The following CRYM variants were observed in gnomAD, a reference collection of about 807,000 sequenced individuals.
CRYM encodes ketimine reductase mu-crystallin.
In CRYM, 18 loss-of-function variants were observed where a neutral mutation model predicts 32.9. That is an observed-to-expected ratio of 0.55 (90% CI 0.38 to 0.81). The LOEUF (loss-of-function observed/expected upper bound fraction) is 0.81, where lower values mean the gene tolerates loss of function less well. Among genes scored for constraint, CRYM ranks in the 30% least tolerant of loss-of-function variants. The probability of loss-of-function intolerance (pLI) is 0.00; values close to 1 mark genes in which losing one functional copy is unlikely to be tolerated. For missense variants in CRYM, 337 were observed against 393.5 expected (o/e 0.86, Z 1.21); for synonymous variants, 153 against 152.4 (o/e 1.00, Z -0.03).
At chr16:21,278,416 C>A (rs774755530), upstream of CRYM, 15 of 779,326 alleles carry the variant, frequency 1.9e-5, no homozygotes, top group Admixed American at 6.4e-5. Context: ...CTCTCCTCCC[C>A]CTTCGCCCAC....
chr16:21,278,579 A>G (rs2093392483), upstream of CRYM: 2 of 436,232 alleles, frequency 4.6e-6, no homozygotes, highest in African/African-American at 4.0e-5. Flanking sequence ...TTTGCTTCCT[A>G]CATAACCCCT....
intron 1 of CRYM, among the ~76,000 whole-genome samples, chr16:21,297,355 C>T (rs1053776050): frequency 1.3e-5 from 2 of 151,972 alleles, no homozygotes; most frequent in African/African-American, 2.4e-5. Flanking sequence ...ATCTCACCAT[C>T]GCACTCCAGC....
chr16:21,258,632 A>G lies in CRYM; in HGVS notation c.*149T>C. ...CTAGCTTTGCTTTCCAACTACAAAC[A>G]TAAATGAGGATCTCAGCATTTAAGG... On this transcript the variant is annotated 3_prime_UTR_variant, in exon 8 of 8. Transcript: ENST00000572914. 1 of 742,684 alleles carries G rather than the reference A, an allele frequency of 1.3e-6. No individual in the cohort carries two copies. Among genetic ancestry groups the G allele is most frequent in the Non-Finnish European group, 2.4e-6 (1 of 420,704 alleles). 46.0% of individuals were successfully genotyped at this position (742,684 alleles called of 1,614,324 possible). A position where few individuals can be genotyped will look rare whatever the true frequency, so the allele number is the denominator to read the frequency against.
At position 21,267,572 on chromosome 16, in the gene CRYM, G is replaced by C; in HGVS notation, c.655C>G (p.Pro219Ala). The C allele has an allele frequency of 1.2e-6, 2 of 1,613,828 alleles. No homozygotes were observed. Among genetic ancestry groups the C allele is most frequent in the African/African-American group, 2.7e-5 (2 of 75,008 alleles). The part of the protein sequence containing the change: ...EPILFGEWVK[P>A]GAHINAVGAS... Reference sequence around the variant, plus strand: ...TACTTACCATTGATGTGAGCCCCTGGCTTCACCCATTCACCAAACAAAATG... The same window carrying C: ...TACTTACCATTGATGTGAGCCCCTGCCTTCACCCATTCACCAAACAAAATG... The change falls in exon 5 of 8, where the codon CCA becomes GCA. Residue 219 changes from proline (P) to alanine (A), a missense_variant. Pro to Ala is a conservative substitution (Grantham distance 27). Transcript: ENST00000572914.
At chr16:21,291,639 T>C (rs1960658848) in intron 1 of CRYM, among the ~76,000 whole-genome samples, 1 of 152,162 alleles carries the variant, frequency 6.6e-6, no homozygotes, top group Non-Finnish European at 1.5e-5. Flanking sequence ...GGGAAAGCAC[T>C]TGAAAAAATT....
chr16:21,275,532 C>T lies in CRYM; in HGVS notation c.387G>A (p.Lys129=). 1 of 1,613,620 alleles carries T rather than the reference C, an allele frequency of 6.2e-7. No individual in the cohort carries two copies. Among genetic ancestry groups the T allele is most frequent in the Non-Finnish European group, 8.5e-7 (1 of 1,179,570 alleles). The change falls in exon 3 of 8, where the codon AAG becomes AAA. Residue 129 remains lysine (K), a splice_region_variant and synonymous_variant. Transcript: ENST00000572914. ...RTAAVSAIAT[K]FLKPPSSEVL... is the part of the protein sequence containing the mutation. ...TGGTACAGCCAGCCATTCATCTTACCTTGGTGGCAATGGCAGAAACTGCAG... is the reference window on the plus strand; with the variant it reads ...TGGTACAGCCAGCCATTCATCTTACTTTGGTGGCAATGGCAGAAACTGCAG...
In CRYM at chr16:21,277,972, G is replaced by T. The variant is rs1209899958; in HGVS notation, c.170+110C>A. ...CGCCTATTAAAAGTGGCAGCTGTTA[G>T]CAACGGTTAGGCAAGCCGTCTCTTC... is the stretch of plus-strand genomic sequence containing the variant. On this transcript the variant is annotated intron_variant, in intron 1 of 7. Coordinates refer to ENST00000572914, the MANE Select transcript of CRYM (RefSeq NM_001376256.1). The surrounding 1 kb of genome is among the most constrained non-coding windows in gnomAD (Gnocchi z 4.2). 3 of 1,293,992 alleles carry T rather than the reference G, an allele frequency of 2.3e-6. No individual in the cohort carries two copies. Among genetic ancestry groups the T allele is most frequent in the Admixed American group, 2.3e-5 (1 of 44,084 alleles). The allele number at this position is 1,293,992 out of a possible 1,614,324, so 80.2% of individuals were successfully genotyped here.
chr16:21,279,812 C>T (rs1012470433), upstream of CRYM, among the ~76,000 whole-genome samples: 2 of 152,096 alleles, frequency 1.3e-5, no homozygotes, highest in Non-Finnish European at 2.9e-5. Context: ...GTGTCAAAAT[C>T]AGTACCAATG....
intron 3 of CRYM, 47 bp from the exon 4 acceptor site, chr16:21,269,938 G>C: frequency 1.4e-6 from 2 of 1,381,816 alleles, no homozygotes; most frequent in Non-Finnish European, 2.1e-6. Context: ...GACCCTAGCA[G>C]ACGGGTAAAA....
At position 21,288,269 on chromosome 16, in the gene CRYM, T is replaced by A. The variant is rs185434719; in HGVS notation, c.-192-9309A>T. ...TTTTCTTTGCTGAGAGGTTTTTAGTTACTAATTAAATATCTTATTATAGGT... is the reference window on the plus strand; with the variant it reads ...TTTTCTTTGCTGAGAGGTTTTTAGTAACTAATTAAATATCTTATTATAGGT... On this transcript the variant is annotated intron_variant, in intron 1 of 9. Coordinates refer to the CRYM transcript ENST00000219599. 5.8e-4 allele frequency among the ~76,000 whole-genome samples: 88 copies of A among 152,348 alleles called. No homozygotes were observed. In the East Asian group the frequency reaches 0.016, roughly 27 times the overall value.
intron 1 of CRYM, among the ~76,000 whole-genome samples, chr16:21,299,675 C>T (rs1048082907): frequency 6.6e-6 from 1 of 152,154 alleles, no homozygotes; most frequent in Admixed American, 6.5e-5. Flanking sequence ...TATTTGTACC[C>T]TCAATCATTG....
In CRYM at chr16:21,275,857, G is replaced by C. The variant is rs226044; in HGVS notation, c.325-263C>G. Among the ~76,000 whole-genome samples the C allele has an allele frequency of 0.27, 40,808 of 152,032 alleles. 5,918 individuals carry two copies. The highest frequency in any genetic ancestry group is 0.36 in the African/African-American group (14,989 of 41,436). ...GGTTATTGTGAGGATTAAATGCACTGGCATATCTGGAAACATCTAGCACAT... is the reference window on the plus strand; with the variant it reads ...GGTTATTGTGAGGATTAAATGCACTCGCATATCTGGAAACATCTAGCACAT... On this transcript the variant is annotated intron_variant, in intron 2 of 7. Coordinates refer to ENST00000572914, the MANE Select transcript of CRYM (RefSeq NM_001376256.1).
In CRYM at chr16:21,301,750, C is replaced by T. The variant is rs568699860; in HGVS notation, c.-193+1228G>A. Among the ~76,000 whole-genome samples the T allele has an allele frequency of 5.3e-5, 8 of 152,300 alleles. No individual in the cohort carries two copies. The East Asian group carries it at 1.6e-3, about 30-fold the overall frequency. On this transcript the variant is annotated intron_variant, in intron 1 of 9. Coordinates refer to the CRYM transcript ENST00000219599. ...AGCCCTAGTGCAGCCAGCTCCCGGCCGGGTCCGCGCGAGGGCCAGGCTGCC... is the reference window on the plus strand; with the variant it reads ...AGCCCTAGTGCAGCCAGCTCCCGGCTGGGTCCGCGCGAGGGCCAGGCTGCC...
chr16:21,296,505 T>A (rs191237861), intron 1 of CRYM, among the ~76,000 whole-genome samples: 1 of 152,270 alleles, frequency 6.6e-6, no homozygotes, highest in Admixed American at 6.5e-5. Context: ...ACAAATCTAC[T>A]CATTGAAAGG....
At position 21,262,804 on chromosome 16, in the gene CRYM, T is replaced by A. The variant is rs140543335; in HGVS notation, c.674-646A>T. Reference sequence around the variant, plus strand: ...GTACATTTCAAAGTCTGGTTCTCACTTAACAGATGCACGAATGGAGGCTCA... The same window carrying A: ...GTACATTTCAAAGTCTGGTTCTCACATAACAGATGCACGAATGGAGGCTCA... On this transcript the variant is annotated intron_variant, in intron 5 of 7. Transcript: ENST00000572914. Among the ~76,000 whole-genome samples the A allele has an allele frequency of 2.0e-5, 3 of 152,302 alleles. No homozygotes were observed. The East Asian group carries it at 5.8e-4, about 29-fold the overall frequency.
At chr16:21,298,169 C>T (rs571608991) in intron 1 of CRYM, among the ~76,000 whole-genome samples, 1 of 152,244 alleles carries the variant, frequency 6.6e-6, no homozygotes, top group Non-Finnish European at 1.5e-5. Context: ...TGCAGTTTGT[C>T]CAGCCTTTCC....
At chr16:21,265,897 C>A (rs537648251) in intron 5 of CRYM, among the ~76,000 whole-genome samples, 3 of 152,286 alleles carry the variant, frequency 2.0e-5, no homozygotes, top group African/African-American at 7.2e-5. Context: ...GGATAGAGTG[C>A]CTCCGTTCAA....
chr16:21,274,213 T>G (rs972192027), intron 3 of CRYM, among the ~76,000 whole-genome samples: 15 of 152,224 alleles, frequency 9.9e-5, no homozygotes, highest in Non-Finnish European at 1.0e-4. Context: ...CTCTAACTTT[T>G]AAAAATGCTG....
chr16:21,301,815 G>A (rs1209677375), intron 1 of CRYM, among the ~76,000 whole-genome samples: 1 of 152,180 alleles, frequency 6.6e-6, no homozygotes, highest in Non-Finnish European at 1.5e-5. Flanking sequence ...GAGGGCGTTG[G>A]GAGGAGGAGT....
Sources: allele counts gnomAD v4.1 joint callset (sites outside exome capture counted in the v4.1 genomes callset), GRCh38; gene constraint gnomAD v4.1.1; non-coding constraint Gnocchi (gnomAD v3.1); transcripts MANE v1.5; gene names NCBI Gene and HGNC (gene_info 2026-07-23, HGNC 2026-07-21).